The following TRPC4 variants were observed in gnomAD, a reference collection of about 807,000 sequenced individuals.
The protein encoded by TRPC4 is short transient receptor potential channel 4.
TRPC4 carries 49 observed loss-of-function variants against 99.4 expected under a neutral mutation model. The observed-to-expected ratio is 0.49, with a 90% CI of 0.39 to 0.63. The LOEUF (loss-of-function observed/expected upper bound fraction) is 0.63, where lower values mean the gene tolerates loss of function less well. TRPC4 is among the 20% of genes least tolerant of loss of function. The pLI, the probability that TRPC4 is intolerant of heterozygous loss-of-function variation, is 0.00. For missense variants in TRPC4, 898 were observed against 1,152.9 expected (o/e 0.78, Z 3.20); for synonymous variants, 454 against 425.9 (o/e 1.07, Z -0.81).
At chr13:37,776,608 G>T (rs989616885) in intron 2 of TRPC4, among the ~76,000 whole-genome samples, 1 of 151,860 alleles carries the variant, frequency 6.6e-6, no homozygotes, top group Non-Finnish European at 1.5e-5. Context: ...TTTCAATTGG[G>T]TTAACCACAA....
chr13:37,831,488 A>G (rs1958420461), intron 1 of TRPC4, among the ~76,000 whole-genome samples: 1 of 152,184 alleles, frequency 6.6e-6, no homozygotes. Flanking sequence ...GTTCGAAAAA[A>G]CAAAATGGAA....
intron 3 of TRPC4, among the ~76,000 whole-genome samples, chr13:37,745,469 T>C (rs1955730425): frequency 1.1e-4 from 1 of 9,014 alleles, no homozygotes; most frequent in Admixed American, 2.0e-3. Flanking sequence ...TATATATATA[T>C]ATATACACAC....
chr13:37,851,762 G>A (rs1382742931), intron 1 of TRPC4, among the ~76,000 whole-genome samples: 8 of 152,174 alleles, frequency 5.3e-5, no homozygotes, highest in African/African-American at 1.9e-4. Flanking sequence ...AGTCTTAATT[G>A]CTGATACCAC....
intron 4 of TRPC4, among the ~76,000 whole-genome samples, chr13:37,689,108 C>A (rs77801686): frequency 6.6e-6 from 1 of 152,116 alleles, no homozygotes. Flanking sequence ...ATACCTCCCC[C>A]GAAAGGATCA....
At chr13:37,754,418 C>A (rs1956042911) in intron 2 of TRPC4, among the ~76,000 whole-genome samples, 2 of 152,108 alleles carry the variant, frequency 1.3e-5, no homozygotes, top group Non-Finnish European at 1.5e-5. Flanking sequence ...CATAACCCTG[C>A]AGATGAAAAT....
At chr13:37,646,923 G>A (rs950277240) in intron 8 of TRPC4, among the ~76,000 whole-genome samples, 1 of 152,186 alleles carries the variant, frequency 6.6e-6, no homozygotes, top group Admixed American at 6.5e-5. Flanking sequence ...CACAAATGTT[G>A]TGCTCAATAA....
At chr13:37,822,837 A>T (rs1287209107) in intron 1 of TRPC4, among the ~76,000 whole-genome samples, 1 of 151,874 alleles carries the variant, frequency 6.6e-6, no homozygotes, top group African/African-American at 2.4e-5. Flanking sequence ...ATCCCTGAGG[A>T]ATCGCCACAC....
At position 37,692,036 on chromosome 13, in the gene TRPC4, TGGTG is replaced by T; in HGVS notation, c.1193_1196del (p.Pro398GlnfsTer7). On this transcript the variant is annotated frameshift_variant, in exon 4 of 11. Transcript: ENST00000379705. LOFTEE classifies it high-confidence loss of function. ...GTAATATCATCCACTCGACGATGGT[TGGTG>T]GTGGACCTTGCCTGTTCAAGTCTGA... The T allele has an allele frequency of 3.1e-6, 5 of 1,613,918 alleles. No homozygotes were observed. The highest frequency in any genetic ancestry group is 4.2e-6 in the Non-Finnish European group (5 of 1,179,892).
At chr13:37,838,321 G>T (rs749927161) in intron 1 of TRPC4, among the ~76,000 whole-genome samples, 3 of 152,164 alleles carry the variant, frequency 2.0e-5, no homozygotes, top group East Asian at 1.9e-4. Flanking sequence ...AAATTCACAT[G>T]CTCTACCTCT....
At chr13:37,699,325 C>G (rs1954024997) in intron 3 of TRPC4, among the ~76,000 whole-genome samples, 1 of 151,954 alleles carries the variant, frequency 6.6e-6, no homozygotes, top group South Asian at 2.1e-4. Context: ...TGTGCATATA[C>G]ATATACAATC....
At chr13:37,655,660 C>T (rs911888221) in intron 6 of TRPC4, among the ~76,000 whole-genome samples, 23 of 151,956 alleles carry the variant, frequency 1.5e-4, no homozygotes, top group Non-Finnish European at 2.9e-5. Flanking sequence ...ATGTAAAATT[C>T]ACATCTCTAT....
chr13:37,827,626 C>G (rs576316370), intron 1 of TRPC4, among the ~76,000 whole-genome samples: 4 of 152,260 alleles, frequency 2.6e-5, no homozygotes, highest in South Asian at 4.2e-4. Context: ...GCAGTCTGCC[C>G]ATTCTCAGAT....
chr13:37,824,602 C>G (rs9576375), intron 1 of TRPC4, among the ~76,000 whole-genome samples: 49,429 of 151,216 alleles, frequency 0.33, 8,323 homozygotes, highest in East Asian at 0.53. Flanking sequence ...TTGAACCAGC[C>G]TTGCATCCCA....
rs1313859563 is a variant in TRPC4, at chr13:37,632,583, A to G, written c.*4320T>C. On this transcript the variant is annotated 3_prime_UTR_variant, in exon 11 of 11. Coordinates refer to ENST00000379705, the MANE Select transcript of TRPC4 (RefSeq NM_016179.4). Reference sequence around the variant, plus strand: ...GACTTGCAGAGACGTCTTCACTGTCAGCCTAGTAACGGTGTGACTGTATCC... The same window carrying G: ...GACTTGCAGAGACGTCTTCACTGTCGGCCTAGTAACGGTGTGACTGTATCC... Among the ~76,000 whole-genome samples the G allele has an allele frequency of 1.3e-5, 2 of 152,202 alleles. No homozygotes were observed. The highest frequency in any genetic ancestry group is 2.9e-5 in the Non-Finnish European group (2 of 68,038).
chr13:37,828,135 G>T (rs749827810), intron 1 of TRPC4, among the ~76,000 whole-genome samples: 1 of 152,154 alleles, frequency 6.6e-6, no homozygotes, highest in African/African-American at 2.4e-5. Context: ...TTCGGCTGGC[G>T]CATGGTGCGA....
chr13:37,762,565 T>C (rs1389769836), intron 2 of TRPC4, among the ~76,000 whole-genome samples: 1 of 151,386 alleles, frequency 6.6e-6, no homozygotes, highest in Non-Finnish European at 1.5e-5. Flanking sequence ...ATGTCCTTTG[T>C]ATGGACATGG....
At chr13:37,766,406 A>G (rs1299461221) in intron 2 of TRPC4, among the ~76,000 whole-genome samples, 1 of 139,378 alleles carries the variant, frequency 7.2e-6, no homozygotes, top group Non-Finnish European at 1.6e-5. Flanking sequence ...TTAAAAACAA[A>G]TCTATGCTAA....
intron 2 of TRPC4, among the ~76,000 whole-genome samples, chr13:37,755,595 T>A (rs1956077389): frequency 6.6e-6 from 1 of 151,850 alleles, no homozygotes; most frequent in Non-Finnish European, 1.5e-5. Flanking sequence ...AGGGACAGCA[T>A]CTCACTATAT....
At position 37,709,281 on chromosome 13, in the gene TRPC4, C is replaced by A. The variant is rs181029228; in HGVS notation, c.898-16946G>T. On this transcript the variant is annotated intron_variant, in intron 3 of 10. Transcript: ENST00000379705. Reference sequence around the variant, plus strand: ...TCTGGTACTAAATGTTGTCAGCATTCAGATTTCTGTTCAATACCTGGATTT... The same window carrying A: ...TCTGGTACTAAATGTTGTCAGCATTAAGATTTCTGTTCAATACCTGGATTT... Among the ~76,000 whole-genome samples, 7 of 152,054 alleles carry A rather than the reference C, an allele frequency of 4.6e-5. No individual in the cohort carries two copies. In the East Asian group the frequency reaches 1.2e-3, roughly 25 times the overall value.
Sources: gnomAD v4.1 joint callset for allele counts (sites outside exome capture counted in the v4.1 genomes callset) on GRCh38, gnomAD v4.1.1 for gene constraint, MANE v1.5 for transcripts, NCBI Gene and HGNC (gene_info 2026-07-23, HGNC 2026-07-21) for gene names.